Variants in SLC27A1 observed in about 807,000 individuals in gnomAD.
SLC27A1 encodes the protein long-chain fatty acid transport protein 1.
SLC27A1 carries 61 observed loss-of-function variants against 62.2 expected under a neutral mutation model. The observed-to-expected ratio is 0.98, with a 90% CI of 0.80 to 1.21. SLC27A1 has a LOEUF of 1.21. Ranked by LOEUF, SLC27A1 falls within the 50% of genes most tolerant of loss-of-function variation. SLC27A1 has a pLI of 0.00. For synonymous variants in SLC27A1, 435 were observed against 408.6 expected, an observed-to-expected ratio of 1.06 and a Z score of -0.78; for missense variants, 903 against 932.1, an observed-to-expected ratio of 0.97 and a Z score of 0.41.
chr19:17,476,883 G>GTTTTTTTTTT lies in SLC27A1; in HGVS notation c.167+6190_167+6199dup, dbSNP rs71162144. 3.0e-5 allele frequency among the ~76,000 whole-genome samples: 4 copies of GTTTTTTTTTT among 131,822 alleles called. 1 individual carries two copies. The highest frequency in any genetic ancestry group is 6.4e-5 in the Non-Finnish European group (4 of 62,524). 86.5% of individuals were successfully genotyped at this position (131,822 alleles called of 152,430 possible). On this transcript the variant is annotated intron_variant, in intron 1 of 11. Transcript: ENST00000252595. The stretch of plus-strand genomic sequence containing the variant: ...TAATAAACACTGAGAATGATCATCT[G>GTTTTTTTTTT]TTTTTTTTTTTTTTTTTTTTTTTGA...
rs904396849 is a variant in SLC27A1, at chr19:17,500,071, A to T, written c.1207-207A>T. 44 of 736,530 alleles carry T rather than the reference A, an allele frequency of 6.0e-5. 1 individual carries two copies. The highest frequency in any genetic ancestry group is 8.8e-5 in the Non-Finnish European group (41 of 466,332). The allele number at this position is 736,530 out of a possible 1,614,324, so 45.6% of individuals were successfully genotyped here. A position where few individuals can be genotyped will look rare whatever the true frequency, so the allele number is the denominator to read the frequency against. On this transcript the variant is annotated intron_variant, in intron 7 of 11. Transcript: ENST00000252595. ...GGTGCCAGCCAGAGGTCTTCTCTTG[A>T]CTGAATGCAGGCTGGGAAGGTGGGA... is the stretch of plus-strand genomic sequence containing the variant.
rs146147308 is a variant in SLC27A1, at chr19:17,475,670, C to T, written c.167+4963C>T. Among the ~76,000 whole-genome samples the T allele has an allele frequency of 2.6e-5, 4 of 152,288 alleles. No individual in the cohort carries two copies. The East Asian group carries it at 5.8e-4, about 22-fold the overall frequency. On this transcript the variant is annotated intron_variant, in intron 1 of 11. Coordinates refer to ENST00000252595, the MANE Select transcript of SLC27A1 (RefSeq NM_198580.3). Reference sequence around the variant, plus strand: ...GAGCATGTGCTCTTAGCCACTGTGCCGCACTGGAGTGGTTGGGGTGCTAAA... The same window carrying T: ...GAGCATGTGCTCTTAGCCACTGTGCTGCACTGGAGTGGTTGGGGTGCTAAA...
intron 6 of SLC27A1, chr19:17,491,231 C>T (rs1243836054): frequency 1.3e-5 from 2 of 151,702 alleles, no homozygotes; most frequent in Non-Finnish European, 2.9e-5. Flanking sequence ...AATTTGGTGG[C>T]ATTCACAATG....
upstream of SLC27A1, chr19:17,470,478 C>CGGAGCGGGTCGT: frequency 7.2e-7 from 1 of 1,398,430 alleles, no homozygotes; most frequent in African/African-American, 1.7e-5. Context: ...GGTCGTGGGG[C>CGGAGCGGGTCGT]GGAGCGGGTC....
Position 17,470,569 on chromosome 19 carries a change from CG to C in SLC27A1, c.31del (p.Val11TrpfsTer51). MRAPGAGAA[S>X]VVSLALLWLL... ...CGGGCTCCGGGTGCGGGCGCGGCCT[CG>C]GTGGTCTCGCTGGCGCTGTTGTGGC... On this transcript the variant is annotated frameshift_variant, in exon 1 of 12. Coordinates refer to ENST00000252595, the MANE Select transcript of SLC27A1 (RefSeq NM_198580.3). LOFTEE classifies it high-confidence loss of function. 1.3e-6 allele frequency: 2 copies of C among 1,567,630 alleles called. No individual in the cohort carries two copies. Among genetic ancestry groups the C allele is most frequent in the East Asian group, 4.7e-5 (2 of 42,808 alleles).
rs1446993643 is a variant in SLC27A1 at position 17,470,650 on chromosome 19, G to T, written c.110G>T (p.Gly37Val). 6.3e-7 allele frequency: 1 copy of T among 1,578,818 alleles called. No homozygotes were observed. The highest frequency in any genetic ancestry group is 8.6e-7 in the Non-Finnish European group (1 of 1,169,270). Reference protein sequence around the residue: ...SAAAALGVYVGSGGWRFLRIV... With the variant: ...SAAAALGVYVVSGGWRFLRIV... ...GCAGCGGCGCTCGGCGTGTACGTGG[G>T]CAGCGGCGGCTGGCGCTTCCTGCGC... The change falls in exon 1 of 12, where the codon GGC becomes GTC. Residue 37 changes from glycine to valine, a missense_variant. Transcript: ENST00000252595.
chr19:17,483,009 GGAAT>G (rs370355332), intron 1 of SLC27A1, among the ~76,000 whole-genome samples: 4 of 152,036 alleles, frequency 2.6e-5, no homozygotes, highest in Non-Finnish European at 4.4e-5. Flanking sequence ...AGTGAAGGAG[GGAAT>G]GAATGAATGA....
At chr19:17,503,938 A>G in intron 11 of SLC27A1, among the ~76,000 whole-genome samples, 1 of 149,600 alleles carries the variant, frequency 6.7e-6, no homozygotes, top group African/African-American at 2.4e-5. Flanking sequence ...TCTCAAAAAA[A>G]AAAAAAAAAA....
At position 17,504,773 on chromosome 19, in the gene SLC27A1, C is replaced by A; in HGVS notation, c.*161C>A. On this transcript the variant is annotated 3_prime_UTR_variant, in exon 12 of 12. Transcript: ENST00000252595. The stretch of plus-strand genomic sequence containing the variant: ...GAGAAACTGGAACCTCAGAGGAACC[C>A]GTGCCTCTCTGCTGCCTTGGTGCCC... 1.1e-6 allele frequency: 1 copy of A among 929,910 alleles called. No homozygotes were observed. The highest frequency in any genetic ancestry group is 1.7e-6 in the Non-Finnish European group (1 of 592,172). 57.6% of individuals were successfully genotyped at this position (929,910 alleles called of 1,614,324 possible). A position where few individuals can be genotyped will look rare whatever the true frequency, so the allele number is the denominator to read the frequency against.
intron 11 of SLC27A1, among the ~76,000 whole-genome samples, chr19:17,503,777 T>A (rs1421623930): frequency 3.3e-5 from 5 of 151,568 alleles, no homozygotes; most frequent in Non-Finnish European, 7.4e-5. Context: ...ACCAAAATTT[T>A]AAAAATTAGC....
intron 1 of SLC27A1, among the ~76,000 whole-genome samples, chr19:17,478,720 G>A (rs1291658182): frequency 6.6e-6 from 1 of 152,002 alleles, no homozygotes; most frequent in Admixed American, 6.6e-5. Flanking sequence ...AGCCAGGTGT[G>A]GTGGTGTACG....
chr19:17,500,822 C>T lies in SLC27A1; in HGVS notation c.1582C>T (p.Leu528=), dbSNP rs2144618999. 6.2e-7 allele frequency: 1 copy of T among 1,610,816 alleles called. No individual in the cohort carries two copies. The highest frequency in any genetic ancestry group is 8.5e-7 in the Non-Finnish European group (1 of 1,179,108). The change falls in exon 10 of 12, where the codon CTG becomes TTG. Residue 528 remains leucine (L), a synonymous_variant. Coordinates refer to ENST00000252595, the MANE Select transcript of SLC27A1 (RefSeq NM_198580.3). Reference sequence around the variant, plus strand: ...CTCCACCACCGAGGTGGAGGGCGTGCTGAGCCGCCTGCTGGGCCAGACAGA... The same window carrying T: ...CTCCACCACCGAGGTGGAGGGCGTGTTGAGCCGCCTGCTGGGCCAGACAGA... ...NVSTTEVEGV[L]SRLLGQTDVA...
intron 1 of SLC27A1, among the ~76,000 whole-genome samples, chr19:17,478,546 A>G (rs917152896): frequency 6.6e-6 from 1 of 151,390 alleles, no homozygotes; most frequent in African/African-American, 2.4e-5. Flanking sequence ...CTTGTTTACA[A>G]TGTGAGAGCT....
At chr19:17,497,710 G>C (rs2075365916) in intron 7 of SLC27A1, 4 of 536,186 alleles carry the variant, frequency 7.5e-6, no homozygotes, top group Non-Finnish European at 3.3e-6. Flanking sequence ...TGGAGGATAG[G>C]TATGGCTGTG....
rs201975105 is a variant in SLC27A1 at position 17,486,848 on chromosome 19, G to A, written c.453G>A (p.Ala151=). Residue 151 remains alanine, a synonymous_variant, in exon 2 of 12, where the codon GCG becomes GCA. Transcript: ENST00000252595. The surrounding 1 kb of genome is among the most constrained non-coding windows in gnomAD (Gnocchi z 6.6). ...FVGLWLGLAK[A]GMEAALLNVN... ...GGCTGTGGCTGGGCCTGGCCAAGGC[G>A]GGCATGGAGGCCGCGCTGCTCAACG... The A allele has an allele frequency of 2.0e-4, 319 of 1,587,206 alleles. 2 individuals carry two copies. The East Asian group carries it at 3.4e-3, about 17-fold the overall frequency.
intron 1 of SLC27A1, among the ~76,000 whole-genome samples, chr19:17,477,277 T>G (rs2075133903): frequency 8.7e-6 from 1 of 115,204 alleles, no homozygotes; most frequent in South Asian, 2.9e-4. Context: ...GACTGAATCT[T>G]GCTCGATTGC....
At chr19:17,475,837 G>A (rs1474964365) in intron 1 of SLC27A1, among the ~76,000 whole-genome samples, 1 of 152,170 alleles carries the variant, frequency 6.6e-6, no homozygotes, top group Non-Finnish European at 1.5e-5. Flanking sequence ...GCTGGACAGT[G>A]GGCTCATTGT....
intron 6 of SLC27A1, among the ~76,000 whole-genome samples, chr19:17,493,122 CA>C (rs35742259): frequency 0.024 from 2,700 of 112,672 alleles, 83 homozygotes; most frequent in African/African-American, 0.081. Context: ...GACTCCATCT[CA>C]AAAAAAAAAA....
intron 11 of SLC27A1, chr19:17,503,771 A>G (rs1167446288): frequency 6.6e-6 from 1 of 151,878 alleles, no homozygotes; most frequent in African/African-American, 2.4e-5. Context: ...GTCTCTACCA[A>G]AATTTTAAAA....
Sources: allele counts gnomAD v4.1 joint callset (sites outside exome capture counted in the v4.1 genomes callset), GRCh38; gene constraint gnomAD v4.1.1; non-coding constraint Gnocchi (gnomAD v3.1); transcripts MANE v1.5; gene names NCBI Gene and HGNC (gene_info 2026-07-23, HGNC 2026-07-21).